CCBE1: variants seen among roughly 807,000 people sequenced by gnomAD.
CCBE1 encodes collagen and calcium binding EGF domains 1.
In CCBE1, 37 loss-of-function variants were observed where a neutral mutation model predicts 50.0. The ratio of observed to expected loss-of-function variants is 0.74; its 90% CI spans 0.57 to 0.97. The LOEUF (loss-of-function observed/expected upper bound fraction) is 0.97, where lower values mean the gene tolerates loss of function less well. Ranked by LOEUF, CCBE1 falls within the 50% of genes least tolerant of loss-of-function variation. CCBE1 has a pLI of 0.00. For synonymous variants in CCBE1, 234 were observed against 203.7 expected (o/e 1.15, Z -1.27); for missense variants, 538 against 523.8 (o/e 1.03, Z -0.26).
chr18:59,515,297 A>G (rs1259416752), intron 2 of CCBE1, among the ~76,000 whole-genome samples: 3 of 152,242 alleles, frequency 2.0e-5, no homozygotes, highest in African/African-American at 7.2e-5. Context: ...GTTCAGGCAT[A>G]AACACAATGA....
intron 2 of CCBE1, among the ~76,000 whole-genome samples, chr18:59,484,422 T>C (rs1341555766): frequency 6.6e-6 from 1 of 152,234 alleles, no homozygotes; most frequent in Non-Finnish European, 1.5e-5. Flanking sequence ...TTTGATGGCG[T>C]TTTAAAGTTC....
intron 5 of CCBE1, among the ~76,000 whole-genome samples, chr18:59,464,463 C>A (rs1911647905): frequency 6.6e-6 from 1 of 152,140 alleles, no homozygotes; most frequent in South Asian, 2.1e-4. Flanking sequence ...AAAAAGTGGT[C>A]TGTAAATGTT....
At chr18:59,668,398 C>G (rs1046669523) in intron 2 of CCBE1, among the ~76,000 whole-genome samples, 1 of 150,426 alleles carries the variant, frequency 6.6e-6, no homozygotes, top group Admixed American at 6.6e-5. Context: ...GCCTGGGCGA[C>G]AAAGCGAGAC....
At chr18:59,633,106 T>C in intron 2 of CCBE1, among the ~76,000 whole-genome samples, 1 of 152,162 alleles carries the variant, frequency 6.6e-6, no homozygotes. Context: ...TCTCAATAAC[T>C]CACACTTTGG....
chr18:59,542,173 C>CAAACA (rs1555690056), intron 2 of CCBE1, among the ~76,000 whole-genome samples: 4 of 134,944 alleles, frequency 3.0e-5, no homozygotes, highest in African/African-American at 1.1e-4. Flanking sequence ...GATCCTGTCT[C>CAAACA]AAAAAAAAAA....
intron 2 of CCBE1, among the ~76,000 whole-genome samples, chr18:59,652,890 G>C (rs1007309723): frequency 6.6e-6 from 1 of 152,122 alleles, no homozygotes; most frequent in Non-Finnish European, 1.5e-5. Context: ...TGTGAACCTG[G>C]GAGGCGGAGC....
intron 2 of CCBE1, among the ~76,000 whole-genome samples, chr18:59,581,599 C>A (rs1279502634): frequency 6.6e-6 from 1 of 152,166 alleles, no homozygotes; most frequent in Non-Finnish European, 1.5e-5. Context: ...TGGTTCCTAA[C>A]ATTTTCAGTA....
chr18:59,510,821 C>T (rs1391959155), intron 2 of CCBE1, among the ~76,000 whole-genome samples: 1 of 152,218 alleles, frequency 6.6e-6, no homozygotes, highest in East Asian at 1.9e-4. Flanking sequence ...TGCATGCATG[C>T]ATAAAGAAAC....
In CCBE1 at chr18:59,540,164, T is replaced by C. The variant is rs540851167; in HGVS notation, c.213-59926A>G. On this transcript the variant is annotated intron_variant, in intron 2 of 10. Transcript: ENST00000439986. ...ACTAATACTATCTCTGAAAAATTGA[T>C]AAACTTATTATAAGTACTCCTTAAC... Among the ~76,000 whole-genome samples the C allele has an allele frequency of 5.9e-5, 9 of 152,354 alleles. No homozygotes were observed. The South Asian group carries it at 1.9e-3, about 32-fold the overall frequency.
At chr18:59,464,916 G>C (rs1911668337) in intron 5 of CCBE1, 1 of 152,468 alleles carries the variant, frequency 6.6e-6, no homozygotes, top group South Asian at 2.1e-4. Context: ...GGAAGGTTCA[G>C]GCCCAGCCAA....
chr18:59,432,383 A>G lies in CCBE1; in HGVS notation c.*3525T>C, dbSNP rs995044588. 1 of 152,194 alleles carries G rather than the reference A, an allele frequency of 6.6e-6. No homozygotes were observed. Among genetic ancestry groups the G allele is most frequent in the African/African-American group, 2.4e-5 (1 of 41,458 alleles). 9.4% of individuals were successfully genotyped at this position (152,194 alleles called of 1,614,324 possible). A position where few individuals can be genotyped will look rare whatever the true frequency, so the allele number is the denominator to read the frequency against. On this transcript the variant is annotated 3_prime_UTR_variant, in exon 11 of 11. Transcript: ENST00000439986. ...CAACATTTCTACTAACAGGTTGAGG[A>G]GGTGTACAAAGATCTTTTTCCCTAT...
At chr18:59,604,757 G>A (rs2053475116) in intron 2 of CCBE1, among the ~76,000 whole-genome samples, 1 of 152,244 alleles carries the variant, frequency 6.6e-6, no homozygotes, top group South Asian at 2.1e-4. Flanking sequence ...CAGGATGTCT[G>A]CTTCTCAAAA....
intron 2 of CCBE1, among the ~76,000 whole-genome samples, chr18:59,559,346 T>A (rs1040346553): frequency 1.3e-5 from 2 of 152,176 alleles, no homozygotes; most frequent in Non-Finnish European, 2.9e-5. Context: ...TACCCAGTGA[T>A]CTGTCAGAAA....
chr18:59,566,790 C>T (rs533894166), intron 2 of CCBE1, among the ~76,000 whole-genome samples: 28 of 152,210 alleles, frequency 1.8e-4, no homozygotes, highest in Admixed American at 2.0e-4. Context: ...GTCCAACCCC[C>T]ACCCGCTGCT....
intron 2 of CCBE1, among the ~76,000 whole-genome samples, chr18:59,618,197 C>T (rs888358236): frequency 6.6e-6 from 1 of 152,014 alleles, no homozygotes; most frequent in Non-Finnish European, 1.5e-5. Context: ...GCCTGCAACC[C>T]CAGCTACTTG....
At chr18:59,545,774 G>A (rs976620207) in intron 2 of CCBE1, among the ~76,000 whole-genome samples, 2 of 152,130 alleles carry the variant, frequency 1.3e-5, no homozygotes, top group East Asian at 1.9e-4. Flanking sequence ...GAGATCTGAC[G>A]GTTTTATCAG....
At chr18:59,539,090 C>A (rs751870740) in intron 2 of CCBE1, among the ~76,000 whole-genome samples, 1 of 151,974 alleles carries the variant, frequency 6.6e-6, no homozygotes, top group Admixed American at 6.6e-5. Flanking sequence ...GCAGGAGGAC[C>A]GCTTGAGCCC....
intron 2 of CCBE1, among the ~76,000 whole-genome samples, chr18:59,493,110 G>C (rs577131657): frequency 2.0e-5 from 3 of 152,220 alleles, no homozygotes; most frequent in Admixed American, 6.5e-5. Context: ...TCGTCTGCAG[G>C]TCAGTCACTT....
At chr18:59,655,339 C>T (rs1212567131) in intron 2 of CCBE1, among the ~76,000 whole-genome samples, 1 of 152,174 alleles carries the variant, frequency 6.6e-6, no homozygotes, top group Non-Finnish European at 1.5e-5. Context: ...AGTCCCTGAG[C>T]ACAAGTCTTG....
Sources: gnomAD v4.1 joint callset for allele counts (sites outside exome capture counted in the v4.1 genomes callset) on GRCh38, gnomAD v4.1.1 for gene constraint, MANE v1.5 for transcripts, NCBI Gene and HGNC (gene_info 2026-07-23, HGNC 2026-07-21) for gene names.